BRWD1: variants seen among roughly 807,000 people sequenced by gnomAD.
The protein encoded by BRWD1 is bromodomain and WD repeat domain containing 1.
A neutral mutation model predicts 251.2 loss-of-function variants in BRWD1; 82 were observed. The ratio of observed to expected loss-of-function variants is 0.33; its 90% CI spans 0.27 to 0.39. BRWD1 has a LOEUF of 0.39. Ranked by LOEUF, BRWD1 falls within the 10% of genes least tolerant of loss-of-function variation. The pLI is 1.00. For missense variants in BRWD1, 2,233 were observed against 2,711.6 expected (o/e 0.82, Z 3.92); for synonymous variants, 918 against 902.8 (o/e 1.02, Z -0.30).
intron 23 of BRWD1, 59 bp from the exon 24 acceptor site, chr21:39,232,557 G>C (rs544934032): frequency 1.5e-4 from 230 of 1,539,618 alleles, no homozygotes; most frequent in Non-Finnish European, 1.4e-4. Context: ...TGCACTGTCT[G>C]AATGAAAAAT....
chr21:39,272,573 C>CT (rs1490134147), intron 13 of BRWD1, among the ~76,000 whole-genome samples: 4 of 147,896 alleles, frequency 2.7e-5, no homozygotes, highest in African/African-American at 9.9e-5. Flanking sequence ...CCATTCTTCA[C>CT]TTTAAACTAA....
intron 39 of BRWD1, 86 bp from the exon 40 acceptor site, chr21:39,199,748 C>G: frequency 7.7e-7 from 1 of 1,298,104 alleles, no homozygotes; most frequent in Non-Finnish European, 1.0e-6. Flanking sequence ...ATTTTCTTCA[C>G]TTTTTTGGGG....
chr21:39,300,029 C>T (rs772210514), intron 4 of BRWD1, among the ~76,000 whole-genome samples: 9 of 152,022 alleles, frequency 5.9e-5, no homozygotes, highest in Admixed American at 1.3e-4. Flanking sequence ...TGCTTACACC[C>T]CTAGCAGAGA....
At chr21:39,292,363 T>C (rs181535261) in intron 8 of BRWD1, among the ~76,000 whole-genome samples, 1 of 152,102 alleles carries the variant, frequency 6.6e-6, no homozygotes, top group African/African-American at 2.4e-5. Flanking sequence ...CTAGTAAGAG[T>C]AACATTTTCT....
chr21:39,191,144 T>C lies in BRWD1; in HGVS notation c.*5115A>G. On this transcript the variant is annotated 3_prime_UTR_variant, in exon 41 of 41. Transcript: ENST00000342449. ...TGCAGGCAGAATCAGAAGTAAATAC[T>C]TGTTTTCAATCTACCCTATTACTGT... 2.0e-6 allele frequency: 2 copies of C among 985,340 alleles called. No homozygotes were observed. Among genetic ancestry groups the C allele is most frequent in the East Asian group, 1.1e-4 (1 of 8,802 alleles). The allele number at this position is 985,340 out of a possible 1,614,324, so 61.0% of individuals were successfully genotyped here. A position where few individuals can be genotyped will look rare whatever the true frequency, so the allele number is the denominator to read the frequency against.
chr21:39,220,317 G>A (rs745318180), intron 29 of BRWD1, among the ~76,000 whole-genome samples: 6 of 152,198 alleles, frequency 3.9e-5, no homozygotes, highest in African/African-American at 9.6e-5. Flanking sequence ...CAGCACCCAC[G>A]CCTGTTCCCT....
chr21:39,283,703 G>C (rs527401777), intron 8 of BRWD1, among the ~76,000 whole-genome samples: 32 of 152,246 alleles, frequency 2.1e-4, no homozygotes, highest in African/African-American at 7.2e-4. Context: ...TGTCCAACAG[G>C]TATTTTTAAC....
At chr21:39,235,120 G>T (rs2033763667) in intron 23 of BRWD1, among the ~76,000 whole-genome samples, 1 of 152,050 alleles carries the variant, frequency 6.6e-6, no homozygotes, top group African/African-American at 2.4e-5. Context: ...GTGGTTGCGT[G>T]GGCCTGTAGT....
chr21:39,275,599 C>G (rs962580627), intron 12 of BRWD1, among the ~76,000 whole-genome samples: 3 of 152,096 alleles, frequency 2.0e-5, no homozygotes, highest in African/African-American at 7.2e-5. Context: ...TTCAGATGTT[C>G]TGACTACAGA....
rs375430016 is a variant in BRWD1, at chr21:39,248,641, CAAAAAAAAAAAA to C, written c.2350-821_2350-810del. On this transcript the variant is annotated intron_variant, in intron 20 of 40. Coordinates refer to ENST00000342449, the MANE Select transcript of BRWD1 (RefSeq NM_033656.4). The stretch of plus-strand genomic sequence containing the variant: ...TGGGCAAGAGTGAGACCCTATCTCC[CAAAAAAAAAAAA>C]AAAAAAAAAAAAAAAAAAAAAAAAA... Among the ~76,000 whole-genome samples, 92 of 83,290 alleles carry C rather than the reference CAAAAAAAAAAAA, an allele frequency of 1.1e-3. 6 individuals carry two copies. The highest frequency in any genetic ancestry group is 6.8e-3 in the Middle Eastern group (1 of 146). The allele number at this position is 83,290 out of a possible 152,430, so 54.6% of individuals were successfully genotyped here.
At chr21:39,238,027 A>G (rs75976985) in intron 22 of BRWD1, among the ~76,000 whole-genome samples, 2,310 of 152,216 alleles carry the variant, frequency 0.015, 56 homozygotes, top group African/African-American at 0.053. Flanking sequence ...ATAGGTGGAC[A>G]AGAGAGATTA....
chr21:39,272,123 G>C (rs1389233955), intron 13 of BRWD1, among the ~76,000 whole-genome samples: 1 of 151,358 alleles, frequency 6.6e-6, no homozygotes, highest in African/African-American at 2.4e-5. Context: ...TTGGTGTTGA[G>C]GGTAGAATAA....
At chr21:39,268,761 T>C (rs895730853) in intron 15 of BRWD1, among the ~76,000 whole-genome samples, 2 of 152,040 alleles carry the variant, frequency 1.3e-5, no homozygotes, top group African/African-American at 2.4e-5. Context: ...CCAAGGCAGA[T>C]GGATCATGAG....
chr21:39,220,140 G>A (rs528152954), intron 29 of BRWD1, among the ~76,000 whole-genome samples: 1 of 152,216 alleles, frequency 6.6e-6, no homozygotes, highest in South Asian at 2.1e-4. Context: ...GTGTGGGTGT[G>A]TCTGTTTTAA....
intron 22 of BRWD1, 106 bp downstream of exon 22, chr21:39,238,373 C>G: frequency 3.0e-6 from 2 of 672,720 alleles, no homozygotes; most frequent in Admixed American, 2.7e-5. Context: ...GTATTAAAAA[C>G]TGTTCCACAG....
chr21:39,289,073 A>G (rs1175488026), intron 8 of BRWD1, among the ~76,000 whole-genome samples: 1 of 152,242 alleles, frequency 6.6e-6, no homozygotes. Flanking sequence ...GACTTGCTTT[A>G]GACCATTTAA....
intron 25 of BRWD1, among the ~76,000 whole-genome samples, chr21:39,231,274 A>C (rs1460828120): frequency 2.0e-5 from 3 of 152,204 alleles, no homozygotes; most frequent in Admixed American, 6.5e-5. Context: ...TTGGCTGCAA[A>C]TGTTTTCAAA....
intron 8 of BRWD1, among the ~76,000 whole-genome samples, chr21:39,291,084 C>G (rs772477723): frequency 6.6e-5 from 10 of 152,130 alleles, no homozygotes; most frequent in Non-Finnish European, 1.3e-4. Context: ...ATGACTGCAC[C>G]ACAGCACTCC....
At chr21:39,197,480 T>A (rs1454837611) in intron 40 of BRWD1, 65 bp from the exon 41 acceptor site, 4 of 1,325,714 alleles carry the variant, frequency 3.0e-6, no homozygotes, top group Non-Finnish European at 4.1e-6. Flanking sequence ...ATGTTCAATA[T>A]TAAAAACAAG....
Sources: gnomAD v4.1 joint callset for allele counts (sites outside exome capture counted in the v4.1 genomes callset) on GRCh38, gnomAD v4.1.1 for gene constraint, MANE v1.5 for transcripts, NCBI Gene and HGNC (gene_info 2026-07-23, HGNC 2026-07-21) for gene names.